The following CHCHD6 variants were observed in gnomAD, a reference collection of about 807,000 sequenced individuals.
The protein encoded by CHCHD6 is coiled-coil-helix-coiled-coil-helix domain containing 6.
Under a neutral mutation model 32.3 loss-of-function variants are expected in CHCHD6, and 28 were observed. The ratio of observed to expected loss-of-function variants is 0.87; its 90% CI spans 0.64 to 1.19. The LOEUF is 1.19. Ranked by LOEUF, CHCHD6 falls within the 50% of genes most tolerant of loss-of-function variation. The pLI, the probability that CHCHD6 is intolerant of heterozygous loss-of-function variation, is 0.00. For missense variants in CHCHD6, 333 were observed against 307.0 expected, an observed-to-expected ratio of 1.08 and a Z score of -0.63; for synonymous variants, 122 against 117.5, an observed-to-expected ratio of 1.04 and a Z score of -0.25.
At chr3:126,940,350 C>T (rs969591555) in intron 6 of CHCHD6, among the ~76,000 whole-genome samples, 2 of 152,092 alleles carry the variant, frequency 1.3e-5, no homozygotes, top group African/African-American at 4.8e-5. Context: ...ATGCTGTGCA[C>T]AATATTTGTA....
At chr3:126,733,478 T>G (rs1350637054) in intron 4 of CHCHD6, among the ~76,000 whole-genome samples, 3 of 152,182 alleles carry the variant, frequency 2.0e-5, no homozygotes, top group African/African-American at 7.2e-5. Flanking sequence ...GTCTACACAG[T>G]AAGGGACCAG....
intron 4 of CHCHD6, among the ~76,000 whole-genome samples, chr3:126,749,707 G>A (rs1044407391): frequency 1.3e-5 from 2 of 152,208 alleles, no homozygotes; most frequent in Admixed American, 6.5e-5. Flanking sequence ...TGACCAGTGC[G>A]AAGGGGACAC....
At chr3:126,790,451 C>G (rs1229980632) in intron 4 of CHCHD6, among the ~76,000 whole-genome samples, 1 of 152,212 alleles carries the variant, frequency 6.6e-6, no homozygotes, top group African/African-American at 2.4e-5. Context: ...CTGTCACTTT[C>G]AGGTACACCA....
At chr3:126,779,563 T>G (rs985989247) in intron 4 of CHCHD6, among the ~76,000 whole-genome samples, 1 of 151,650 alleles carries the variant, frequency 6.6e-6, no homozygotes, top group Non-Finnish European at 1.5e-5. Flanking sequence ...AAAAAGAATT[T>G]TATAGTTTTA....
At chr3:126,720,275 T>G (rs1935220591) in intron 1 of CHCHD6, among the ~76,000 whole-genome samples, 1 of 152,212 alleles carries the variant, frequency 6.6e-6, no homozygotes, top group Non-Finnish European at 1.5e-5. Context: ...ACTGCCACTG[T>G]CATGTAGATC....
intron 5 of CHCHD6, among the ~76,000 whole-genome samples, chr3:126,863,604 T>C (rs866337429): frequency 0.064 from 747 of 11,674 alleles, no homozygotes; most frequent in Admixed American, 0.1. Flanking sequence ...CCATCACCAC[T>C]TCCCCCTCCT....
chr3:126,802,314 G>GA (rs760874361), intron 4 of CHCHD6, among the ~76,000 whole-genome samples: 1 of 152,220 alleles, frequency 6.6e-6, no homozygotes, highest in South Asian at 2.1e-4. Flanking sequence ...TGAAAATGTT[G>GA]AAAAAAATTT....
intron 6 of CHCHD6, 100 bp downstream of exon 6, chr3:126,914,850 C>G (rs971684670): frequency 4.1e-6 from 3 of 726,070 alleles, no homozygotes; most frequent in Admixed American, 2.0e-5. Context: ...TTTCAAGTTT[C>G]CCTAATAATA....
At chr3:126,866,194 T>C (rs934442172) in intron 5 of CHCHD6, among the ~76,000 whole-genome samples, 3 of 152,166 alleles carry the variant, frequency 2.0e-5, no homozygotes, top group African/African-American at 7.2e-5. Context: ...ATTAATATAA[T>C]ATTGCTAACA....
At chr3:126,952,793 G>A (rs962718128) in intron 6 of CHCHD6, among the ~76,000 whole-genome samples, 2 of 152,194 alleles carry the variant, frequency 1.3e-5, no homozygotes, top group Admixed American at 6.5e-5. Flanking sequence ...GGAGAGGCCC[G>A]CTCAGGCACA....
intron 6 of CHCHD6, among the ~76,000 whole-genome samples, chr3:126,950,058 G>C (rs1576642426): frequency 6.6e-6 from 1 of 152,024 alleles, no homozygotes; most frequent in East Asian, 1.9e-4. Flanking sequence ...TGGGAAGGAA[G>C]ACTGCACAGA....
intron 1 of CHCHD6, among the ~76,000 whole-genome samples, chr3:126,711,610 C>T (rs1934750948): frequency 6.6e-6 from 1 of 152,212 alleles, no homozygotes; most frequent in African/African-American, 2.4e-5. Flanking sequence ...TGCCCTGACA[C>T]TTCAGAAGGA....
At chr3:126,764,617 G>T (rs1328603849) in intron 4 of CHCHD6, among the ~76,000 whole-genome samples, 2 of 152,180 alleles carry the variant, frequency 1.3e-5, no homozygotes, top group South Asian at 2.1e-4. Context: ...TCTAAGTGCA[G>T]CTCCGCCCAG....
At chr3:126,950,562 T>C (rs1214956079) in intron 6 of CHCHD6, among the ~76,000 whole-genome samples, 1 of 152,258 alleles carries the variant, frequency 6.6e-6, no homozygotes, top group African/African-American at 2.4e-5. Flanking sequence ...GTGATTCTCC[T>C]GCCTCAGCCT....
intron 6 of CHCHD6, among the ~76,000 whole-genome samples, chr3:126,943,982 A>T (rs182115381): frequency 3.9e-5 from 6 of 152,266 alleles, no homozygotes; most frequent in Non-Finnish European, 7.3e-5. Flanking sequence ...CAAAACTGTG[A>T]AACTCCTAGA....
intron 4 of CHCHD6, among the ~76,000 whole-genome samples, chr3:126,844,842 G>A (rs1343379856): frequency 6.6e-6 from 1 of 152,176 alleles, no homozygotes; most frequent in Non-Finnish European, 1.5e-5. Context: ...ATGAGGGAAG[G>A]GGGAAGGCAG....
At chr3:126,864,820 A>G (rs1386242062) in intron 5 of CHCHD6, among the ~76,000 whole-genome samples, 2 of 130,102 alleles carry the variant, frequency 1.5e-5, no homozygotes, top group African/African-American at 3.1e-5. Context: ...CTCCTCCAGC[A>G]TCATCTCCTC....
chr3:126,842,099 A>G (rs1033557943), intron 4 of CHCHD6, among the ~76,000 whole-genome samples: 1 of 152,070 alleles, frequency 6.6e-6, no homozygotes, highest in Non-Finnish European at 1.5e-5. Flanking sequence ...AAATAAAAGT[A>G]AAAAATTAGC....
At chr3:126,749,738 C>T (rs1413022960) in intron 4 of CHCHD6, among the ~76,000 whole-genome samples, 2 of 152,186 alleles carry the variant, frequency 1.3e-5, no homozygotes, top group African/African-American at 2.4e-5. Context: ...AGTGCATTCC[C>T]GTTTGGCTCT....
Sources: allele counts gnomAD v4.1 joint callset (sites outside exome capture counted in the v4.1 genomes callset), GRCh38; gene constraint gnomAD v4.1.1; transcripts MANE v1.5; gene names NCBI Gene and HGNC (gene_info 2026-07-23, HGNC 2026-07-21).